Variants in PHTF2 observed in about 807,000 individuals in gnomAD.
PHTF2 encodes putative homeodomain transcription factor 2, also known as protein PHTF2.
In PHTF2, 60 loss-of-function variants were observed where a neutral mutation model predicts 101.2. The ratio of observed to expected loss-of-function variants is 0.59; its 90% CI spans 0.48 to 0.73. The LOEUF is 0.73. PHTF2 is among the 30% of genes least tolerant of loss of function. The pLI, the probability that PHTF2 is intolerant of heterozygous loss-of-function variation, is 0.00. For synonymous variants in PHTF2, 311 were observed against 307.3 expected (o/e 1.01, Z -0.13); for missense variants, 747 against 908.7 (o/e 0.82, Z 2.29).
chr7:77,933,233 G>A (rs754876078), intron 12 of PHTF2, among the ~76,000 whole-genome samples: 12 of 152,180 alleles, frequency 7.9e-5, no homozygotes, highest in Non-Finnish European at 1.8e-4. Flanking sequence ...GCGAGACTCC[G>A]TCTCAAAAAA....
intron 3 of PHTF2, among the ~76,000 whole-genome samples, chr7:77,866,184 C>CA (rs35744441): frequency 0.38 from 31,145 of 81,956 alleles, 5,381 homozygotes; most frequent in African/African-American, 0.56. Context: ...ACTACCTCTC[C>CA]AAAAAAAAAA....
chr7:77,858,949 G>A (rs1797399265), intron 3 of PHTF2, among the ~76,000 whole-genome samples: 1 of 152,128 alleles, frequency 6.6e-6, no homozygotes, highest in South Asian at 2.1e-4. Flanking sequence ...CATGAGTCCA[G>A]AAGTCCAAAA....
chr7:77,937,709 G>C lies in PHTF2; in HGVS notation c.1339-1G>C. On this transcript the variant is annotated splice_acceptor_variant, in intron 12 of 19. Transcript: ENST00000416283. LOFTEE classifies it high-confidence loss of function. ...TTTACTAATTTTTTTTTTTTTTATAGAGTCATTTGCCCTGGCTCCATAGTT... is the reference window on the plus strand; with the variant it reads ...TTTACTAATTTTTTTTTTTTTTATACAGTCATTTGCCCTGGCTCCATAGTT... 8.5e-7 allele frequency: 1 copy of C among 1,178,294 alleles called. No homozygotes were observed. Among genetic ancestry groups the C allele is most frequent in the Non-Finnish European group, 1.1e-6 (1 of 888,532 alleles). 73.0% of individuals were successfully genotyped at this position (1,178,294 alleles called of 1,614,324 possible).
intron 5 of PHTF2, 96 bp downstream of exon 4, chr7:77,894,089 T>G: frequency 1.1e-6 from 1 of 938,132 alleles, no homozygotes; most frequent in South Asian, 1.3e-5. Flanking sequence ...ACAGATTGAC[T>G]TGGACTCGAA....
intron 18 of PHTF2, among the ~76,000 whole-genome samples, chr7:77,952,795 G>A (rs1806666669): frequency 6.6e-6 from 1 of 152,180 alleles, no homozygotes; most frequent in Non-Finnish European, 1.5e-5. Flanking sequence ...CTCCTAGTCA[G>A]AAATCTGGGA....
chr7:77,821,130 T>C (rs1433869923), intron 1 of PHTF2, among the ~76,000 whole-genome samples: 1 of 109,250 alleles, frequency 9.2e-6, no homozygotes, highest in Non-Finnish European at 1.8e-5. Flanking sequence ...ATGGCAGTTT[T>C]TTTTTTTTCT....
At chr7:77,821,330 C>T (rs1207887922) in intron 1 of PHTF2, among the ~76,000 whole-genome samples, 3 of 152,098 alleles carry the variant, frequency 2.0e-5, no homozygotes, top group African/African-American at 4.8e-5. Context: ...ATTTGGGTTG[C>T]GTCTATTTGA....
chr7:77,917,232 T>A (rs779648281), intron 9 of PHTF2, among the ~76,000 whole-genome samples: 74 of 152,234 alleles, frequency 4.9e-4, no homozygotes, highest in Middle Eastern at 3.2e-3. Flanking sequence ...CATATCTGTA[T>A]CAGTCTTTGA....
intron 18 of PHTF2, among the ~76,000 whole-genome samples, chr7:77,953,378 A>G (rs1161066723): frequency 6.6e-6 from 1 of 152,208 alleles, no homozygotes; most frequent in Non-Finnish European, 1.5e-5. Context: ...GAATTGACTC[A>G]AAGAGGAGTT....
At chr7:77,820,286 T>A (rs1794178837) in intron 1 of PHTF2, among the ~76,000 whole-genome samples, 1 of 152,226 alleles carries the variant, frequency 6.6e-6, no homozygotes, top group South Asian at 2.1e-4. Flanking sequence ...GTGTTACGTG[T>A]CCAGGAACTT....
At chr7:77,936,665 C>T (rs930654031) in intron 12 of PHTF2, among the ~76,000 whole-genome samples, 2 of 149,942 alleles carry the variant, frequency 1.3e-5, no homozygotes, top group African/African-American at 2.5e-5. Flanking sequence ...CAGAGCAAGA[C>T]TCCGTCTCAA....
intron 3 of PHTF2, among the ~76,000 whole-genome samples, chr7:77,886,441 C>T (rs1430234579): frequency 3.9e-5 from 6 of 152,100 alleles, no homozygotes; most frequent in Non-Finnish European, 8.8e-5. Flanking sequence ...CCTACCAATC[C>T]TCCCGTTTCT....
At chr7:77,819,262 C>G (rs1277627316) in intron 1 of PHTF2, among the ~76,000 whole-genome samples, 1 of 152,190 alleles carries the variant, frequency 6.6e-6, no homozygotes, top group African/African-American at 2.4e-5. Flanking sequence ...CTAGGACTTT[C>G]AGTAGTATAT....
intron 12 of PHTF2, among the ~76,000 whole-genome samples, chr7:77,935,057 T>C (rs755285318): frequency 6.6e-6 from 1 of 151,862 alleles, no homozygotes; most frequent in Non-Finnish European, 1.5e-5. Context: ...TAAAAAAAAT[T>C]TCATGTGATG....
chr7:77,817,447 G>A (rs1793935886), intron 1 of PHTF2, among the ~76,000 whole-genome samples: 1 of 152,190 alleles, frequency 6.6e-6, no homozygotes, highest in East Asian at 1.9e-4. Context: ...AATCATGATG[G>A]AAGGGGAAGC....
At chr7:77,861,651 A>G (rs761721576) in intron 3 of PHTF2, among the ~76,000 whole-genome samples, 1 of 152,242 alleles carries the variant, frequency 6.6e-6, no homozygotes, top group Admixed American at 6.5e-5. Flanking sequence ...GGCCAGGCAC[A>G]GTGGCTCATG....
intron 3 of PHTF2, among the ~76,000 whole-genome samples, chr7:77,892,185 G>A (rs1230837819): frequency 3.3e-5 from 5 of 152,188 alleles, no homozygotes; most frequent in Non-Finnish European, 7.3e-5. Context: ...AGCTGCTCAG[G>A]AGGCTGAGGC....
intron 3 of PHTF2, among the ~76,000 whole-genome samples, chr7:77,862,980 A>G (rs1042372916): frequency 6.6e-6 from 1 of 152,208 alleles, no homozygotes; most frequent in Non-Finnish European, 1.5e-5. Context: ...CTCTTTGCCT[A>G]ATGGACCATA....
chr7:77,822,904 CTTTTTT>C (rs35785317), intron 1 of PHTF2, among the ~76,000 whole-genome samples: 1 of 118,444 alleles, frequency 8.4e-6, no homozygotes, highest in Non-Finnish European at 1.7e-5. Flanking sequence ...ATATTTAAAT[CTTTTTT>C]TTTTTTTTTT....
Sources: allele counts gnomAD v4.1 joint callset (sites outside exome capture counted in the v4.1 genomes callset), GRCh38; gene constraint gnomAD v4.1.1; transcripts MANE v1.5; gene names NCBI Gene and HGNC (gene_info 2026-07-23, HGNC 2026-07-21).